Variants in PNLIP observed in about 807,000 individuals in gnomAD.
The protein encoded by PNLIP is pancreatic lipase.
Under a neutral mutation model 57.1 loss-of-function variants are expected in PNLIP, and 49 were observed. That is an observed-to-expected ratio of 0.86 (90% CI 0.68 to 1.09). The LOEUF (loss-of-function observed/expected upper bound fraction) is 1.09. PNLIP is among the 50% of genes least tolerant of loss of function. The pLI, the probability that PNLIP is intolerant of heterozygous loss-of-function variation, is 0.00. For synonymous variants in PNLIP, 209 were observed against 200.4 expected, an observed-to-expected ratio of 1.04 and a Z score of -0.36; for missense variants, 503 against 570.2, an observed-to-expected ratio of 0.88 and a Z score of 1.20.
chr10:116,560,933 A>G (rs898375973), intron 11 of PNLIP, among the ~76,000 whole-genome samples: 1 of 152,130 alleles, frequency 6.6e-6, no homozygotes, highest in African/African-American at 2.4e-5. Flanking sequence ...TCGACATAAG[A>G]GTTTGTCTAT....
chr10:116,555,957 A>C (rs760962101), intron 8 of PNLIP, 43 bp from the exon 9 acceptor site: 1 of 1,235,940 alleles, frequency 8.1e-7, no homozygotes, highest in South Asian at 1.2e-5. Context: ...TAACTTGGAA[A>C]AATAAAATCT....
rs1486800335 is a variant in PNLIP, at chr10:116,558,218, G to A, written c.931-936G>A. Among the ~76,000 whole-genome samples, 8 of 127,702 alleles carry A rather than the reference G, an allele frequency of 6.3e-5. No individual in the cohort carries two copies. The South Asian group carries it at 1.5e-3, about 24-fold the overall frequency. 83.8% of individuals were successfully genotyped at this position (127,702 alleles called of 152,430 possible). On this transcript the variant is annotated intron_variant, in intron 9 of 12. Coordinates refer to ENST00000369221, the MANE Select transcript of PNLIP (RefSeq NM_000936.4). ...TTCTTTCTTTTTTTTTTTTTTTTGA[G>A]ACGGAGTCTCGCTCTGTCACCCAGG...
chr10:116,554,830 C>A (rs1007482010), intron 6 of PNLIP, among the ~76,000 whole-genome samples: 6 of 152,176 alleles, frequency 3.9e-5, no homozygotes, highest in African/African-American at 1.4e-4. Flanking sequence ...GTCTCAGTGA[C>A]GTTTGTGAAA....
At position 116,567,720 on chromosome 10, in the gene PNLIP, G is replaced by GT. The variant is rs771063117; in HGVS notation, c.1335-9dup. On this transcript the variant is annotated splice_polypyrimidine_tract_variant and intron_variant, in intron 12 of 12. Transcript: ENST00000369221. ...CAGGAAGAGGAGGTGACTTTGTGTT[G>GT]TTTTTTCTCCACAGGTTCAACTTCT... The GT allele has an allele frequency of 1.2e-5, 20 of 1,611,592 alleles. 1 individual carries two copies. In the Admixed American group the frequency reaches 2.5e-4, roughly 20 times the overall value.
At chr10:116,548,193 A>G (rs189833574) in intron 3 of PNLIP, among the ~76,000 whole-genome samples, 167 bp from the exon 4 acceptor site, 8 of 152,214 alleles carry the variant, frequency 5.3e-5, no homozygotes, top group African/African-American at 1.7e-4. Context: ...ATGACTGGGA[A>G]ATGGCAACAT....
intron 4 of PNLIP, 133 bp from the exon 5 acceptor site, chr10:116,550,965 T>C: frequency 1.6e-6 from 1 of 632,568 alleles, no homozygotes; most frequent in East Asian, 3.1e-5. Flanking sequence ...ACTAAAAGTT[T>C]TGTCAATTGC....
At chr10:116,566,717 A>G (rs887977224) in intron 12 of PNLIP, among the ~76,000 whole-genome samples, 1 of 152,178 alleles carries the variant, frequency 6.6e-6, no homozygotes, top group African/African-American at 2.4e-5. Flanking sequence ...AACTACTACA[A>G]AAAAATTCAG....
At position 116,553,839 on chromosome 10, in the gene PNLIP, G is replaced by T. The variant is rs1847222071; in HGVS notation, c.571+1G>T. The T allele has an allele frequency of 2.5e-6, 4 of 1,588,532 alleles. No individual in the cohort carries two copies. Among genetic ancestry groups the T allele is most frequent in the Non-Finnish European group, 2.6e-6 (3 of 1,159,582 alleles). ...AATGGGACCATTGGACGCATCACAGGTTGGTGAAAACAGTGAAAGATACCA... is the reference window on the plus strand; with the variant it reads ...AATGGGACCATTGGACGCATCACAGTTTGGTGAAAACAGTGAAAGATACCA... On this transcript the variant is annotated splice_donor_variant, in intron 6 of 12. Coordinates refer to ENST00000369221, the MANE Select transcript of PNLIP (RefSeq NM_000936.4). LOFTEE classifies it high-confidence loss of function.
At chr10:116,551,262 G>A (rs1378230455) in intron 5 of PNLIP, 30 bp downstream of exon 5, 2 of 1,305,410 alleles carry the variant, frequency 1.5e-6, no homozygotes, top group Admixed American at 6.0e-5. Context: ...ATAAAAGCCT[G>A]TACACATGGT....
chr10:116,564,499 G>T (rs529188480), intron 12 of PNLIP, among the ~76,000 whole-genome samples: 1 of 152,230 alleles, frequency 6.6e-6, no homozygotes, highest in Non-Finnish European at 1.5e-5. Flanking sequence ...TCACCAGCAG[G>T]TTAACACTAA....
At chr10:116,558,783 C>T (rs1278264467) in intron 9 of PNLIP, among the ~76,000 whole-genome samples, 1 of 152,066 alleles carries the variant, frequency 6.6e-6, no homozygotes, top group Middle Eastern at 3.4e-3. Flanking sequence ...TGCCACCATG[C>T]TCAACTAATT....
chr10:116,546,853 G>C (rs963709427), intron 2 of PNLIP, among the ~76,000 whole-genome samples: 1 of 152,334 alleles, frequency 6.6e-6, no homozygotes, highest in African/African-American at 2.4e-5. Flanking sequence ...CAGGAATGAA[G>C]ATGTCCTGCA....
rs747415290 is a variant in PNLIP at position 116,551,086 on chromosome 10, C to T, written c.325-12C>T. The T allele has an allele frequency of 3.2e-6, 5 of 1,559,712 alleles. No individual in the cohort carries two copies. Among genetic ancestry groups the T allele is most frequent in the Non-Finnish European group, 2.6e-6 (3 of 1,151,176 alleles). ...TGAATTATTTATCTGTTTATTGTGC[C>T]CCTTCCACCAGAATCTGTTCAAGGT... On this transcript the variant is annotated splice_polypyrimidine_tract_variant and intron_variant, in intron 4 of 12. Transcript: ENST00000369221.
At chr10:116,564,587 A>G (rs1847345040) in intron 12 of PNLIP, among the ~76,000 whole-genome samples, 1 of 152,186 alleles carries the variant, frequency 6.6e-6, no homozygotes, top group Admixed American at 6.5e-5. Flanking sequence ...GAAATTAAGA[A>G]CACAGGAAAT....
At position 116,567,809 on chromosome 10, in the gene PNLIP, T is replaced by G; in HGVS notation, c.*11T>G. ...CTCACACCGTGTTAGGAGACTACTG[T>G]TATTTGACCAATGAATTGACTTCTA... On this transcript the variant is annotated 3_prime_UTR_variant, in exon 13 of 13. Transcript: ENST00000369221. 1 of 1,601,406 alleles carries G rather than the reference T, an allele frequency of 6.2e-7. No homozygotes were observed. Among genetic ancestry groups the G allele is most frequent in the Admixed American group, 1.7e-5 (1 of 60,018 alleles).
Position 116,551,129 on chromosome 10 carries a change from T to G in PNLIP, c.356T>G (p.Ile119Ser). The change falls in exon 5 of 13, where the codon ATC becomes AGC. Residue 119 changes from isoleucine (I) to serine (S), a missense_variant. Transcript: ENST00000369221. ...TTCAAGGTGGAAAGTGTGAACTGTA[T>G]CTGTGTGGACTGGAAAGGTGGCTCC... Reference protein sequence around the residue: ...NLFKVESVNCICVDWKGGSRT... With the variant: ...NLFKVESVNCSCVDWKGGSRT... 3.1e-6 allele frequency: 5 copies of G among 1,611,498 alleles called. No individual in the cohort carries two copies. The highest frequency in any genetic ancestry group is 4.2e-6 in the Non-Finnish European group (5 of 1,178,550).
At chr10:116,556,260 G>A in intron 9 of PNLIP, 142 bp downstream of exon 9, 1 of 603,846 alleles carries the variant, frequency 1.7e-6, no homozygotes, top group Non-Finnish European at 3.0e-6. Flanking sequence ...TATTTAAATA[G>A]TGATAAATTA....
rs1332422369 is a variant in PNLIP, at chr10:116,547,261, T to G, written c.47-33T>G. 1.9e-6 allele frequency: 3 copies of G among 1,608,976 alleles called. No individual in the cohort carries two copies. The African/African-American group carries it at 4.0e-5, about 22-fold the overall frequency. On this transcript the variant is annotated intron_variant, in intron 2 of 12. Transcript: ENST00000369221. The stretch of plus-strand genomic sequence containing the variant: ...AGACAGATCATTAAAAAGAGCATGT[T>G]TGTAAAACTAATATCCTTCTGGGGG...
chr10:116,552,130 C>T (rs1000752235), intron 5 of PNLIP, among the ~76,000 whole-genome samples: 7 of 152,090 alleles, frequency 4.6e-5, no homozygotes, highest in East Asian at 1.9e-4. Flanking sequence ...TAAAAGTCTA[C>T]CACATATAAT....
Sources: allele counts gnomAD v4.1 joint callset (sites outside exome capture counted in the v4.1 genomes callset), GRCh38; gene constraint gnomAD v4.1.1; transcripts MANE v1.5; gene names NCBI Gene and HGNC (gene_info 2026-07-23, HGNC 2026-07-21).